Variants in STIM2 observed in about 807,000 individuals in gnomAD.
STIM2 encodes the protein stromal interaction molecule 2.
A neutral mutation model predicts 85.8 loss-of-function variants in STIM2; 31 were observed. That is an observed-to-expected ratio of 0.36 (90% CI 0.27 to 0.49). The LOEUF (loss-of-function observed/expected upper bound fraction) is 0.49. Among genes scored for constraint, STIM2 ranks in the 20% least tolerant of loss-of-function variants. The pLI is 0.98. For synonymous variants in STIM2, 356 were observed against 331.1 expected, an observed-to-expected ratio of 1.08 and a Z score of -0.82; for missense variants, 841 against 927.6, an observed-to-expected ratio of 0.91 and a Z score of 1.21.
chr4:26,986,480 A>G (rs1017217028), intron 3 of STIM2, among the ~76,000 whole-genome samples: 1 of 152,228 alleles, frequency 6.6e-6, no homozygotes, highest in Non-Finnish European at 1.5e-5. Context: ...ATACAGGCAT[A>G]TGGCTAAGTG....
chr4:26,960,654 T>G (rs1048815151), intron 3 of STIM2, among the ~76,000 whole-genome samples: 1 of 152,228 alleles, frequency 6.6e-6, no homozygotes, highest in South Asian at 2.1e-4. Flanking sequence ...TCTTAAAAAC[T>G]TAACGTTTTT....
At chr4:27,022,414 T>TGGAA in intron 11 of STIM2, 105 bp from the exon 12 acceptor site, 1 of 935,906 alleles carries the variant, frequency 1.1e-6, no homozygotes, top group Non-Finnish European at 1.6e-6. Context: ...ATTTCCCTCT[T>TGGAA]TTAAATTTCA....
chr4:26,909,285 T>C (rs1224484654), intron 1 of STIM2, among the ~76,000 whole-genome samples: 1 of 152,244 alleles, frequency 6.6e-6, no homozygotes, highest in African/African-American at 2.4e-5. Context: ...TTAGGTGTTT[T>C]ATACATTGAT....
chr4:26,923,624 A>G (rs2109068884), intron 2 of STIM2, among the ~76,000 whole-genome samples: 1 of 123,706 alleles, frequency 8.1e-6, no homozygotes, highest in South Asian at 3.3e-4. Flanking sequence ...TCAACTAATG[A>G]GCAAAATCAC....
chr4:26,917,205 G>T (rs1724616203), intron 1 of STIM2, among the ~76,000 whole-genome samples: 1 of 152,098 alleles, frequency 6.6e-6, no homozygotes, highest in African/African-American at 2.4e-5. Context: ...AGAAAATGAA[G>T]ATAAAATCGA....
intron 7 of STIM2, among the ~76,000 whole-genome samples, chr4:27,003,764 C>T (rs571175906): frequency 3.9e-5 from 6 of 152,086 alleles, no homozygotes; most frequent in South Asian, 4.2e-4. Flanking sequence ...TGAGTTGAGG[C>T]GAGCCTGCAG....
In STIM2 at chr4:27,024,215, G is replaced by A. The variant is rs779967219; in HGVS notation, c.*1219G>A. The stretch of plus-strand genomic sequence containing the variant: ...GCGTTGTATTAATTTATAAAGTATG[G>A]TGTTCATTAAATTGGTGGGTTGTAT... On this transcript the variant is annotated 3_prime_UTR_variant, in exon 12 of 12. Transcript: ENST00000467087. The A allele has an allele frequency of 2.0e-5, 3 of 152,058 alleles. No individual in the cohort carries two copies. Among genetic ancestry groups the A allele is most frequent in the Non-Finnish European group, 2.9e-5 (2 of 68,008 alleles). 9.4% of individuals were successfully genotyped at this position (152,058 alleles called of 1,614,324 possible). A position where few individuals can be genotyped will look rare whatever the true frequency, so the allele number is the denominator to read the frequency against.
At chr4:27,011,652 G>A (rs1728560740) in intron 10 of STIM2, among the ~76,000 whole-genome samples, 1 of 152,150 alleles carries the variant, frequency 6.6e-6, no homozygotes, top group Non-Finnish European at 1.5e-5. Context: ...CAACTCGAAT[G>A]CGTATGAAAT....
intron 1 of STIM2, among the ~76,000 whole-genome samples, chr4:26,873,040 A>G (rs548512980): frequency 2.6e-5 from 4 of 152,324 alleles, no homozygotes; most frequent in East Asian, 1.9e-4. Context: ...AGATCTGGCT[A>G]TAGAAAAGGG....
intron 3 of STIM2, among the ~76,000 whole-genome samples, chr4:26,978,770 G>A (rs1411298271): frequency 1.3e-5 from 2 of 152,160 alleles, no homozygotes; most frequent in Admixed American, 6.5e-5. Flanking sequence ...GAGAGAAGGA[G>A]TAACCTAGCA....
At chr4:26,894,081 G>T (rs1355100000) in intron 1 of STIM2, among the ~76,000 whole-genome samples, 2 of 152,166 alleles carry the variant, frequency 1.3e-5, no homozygotes, top group South Asian at 2.1e-4. Context: ...TAAAAATGGG[G>T]TTTCACCATC....
intron 2 of STIM2, among the ~76,000 whole-genome samples, chr4:26,950,558 T>TTTTATGCCCTTTAGCCTTCTGCTATA (rs1316086159): frequency 3.3e-5 from 5 of 152,292 alleles, no homozygotes; most frequent in African/African-American, 1.2e-4. Flanking sequence ...GTGGGTGCTC[T>TTTTATGCCCTTTAGCCTTCTGCTATA]TTTATGCCCT....
chr4:26,933,517 A>G (rs1030409225), intron 2 of STIM2, among the ~76,000 whole-genome samples: 11 of 152,174 alleles, frequency 7.2e-5, no homozygotes, highest in African/African-American at 2.4e-4. Flanking sequence ...ATGACTTTCT[A>G]TAGGTCAAAA....
intron 1 of STIM2, among the ~76,000 whole-genome samples, chr4:26,863,877 G>A (rs974684470): frequency 5.9e-5 from 9 of 152,104 alleles, no homozygotes; most frequent in African/African-American, 2.2e-4. Context: ...TCACTTTTCT[G>A]TTTTCTTCTC....
At chr4:26,917,283 C>G (rs1724618775) in intron 1 of STIM2, among the ~76,000 whole-genome samples, 1 of 152,202 alleles carries the variant, frequency 6.6e-6, no homozygotes. Flanking sequence ...CCACTACTAA[C>G]ATGCCTATAC....
Position 27,017,911 on chromosome 4 carries a change from G to C in STIM2, c.1690G>C (p.Val564Leu). The C allele has an allele frequency of 6.2e-7, 1 of 1,614,130 alleles. No homozygotes were observed. Residue 564 changes from valine to leucine, a missense_variant, in exon 11 of 12, where the codon GTG becomes CTG. Val to Leu is a conservative substitution (Grantham distance 32). Around this residue, in one of 3 missense-constraint regions of STIM2, gnomAD observed 293 missense variants for 284.5 expected, o/e 1.03. Coordinates refer to ENST00000467087, the MANE Select transcript of STIM2 (RefSeq NM_020860.4). The stretch of plus-strand genomic sequence containing the variant: ...TTCCCCTGATCCAGATATCCTCTCA[G>C]TGTCAAGTTGCCCTGCGCTTTATCG...
chr4:26,860,868 G>A lies in STIM2; in HGVS notation c.-351G>A, dbSNP rs1722136513. On this transcript the variant is annotated 5_prime_UTR_variant, in exon 1 of 12. Transcript: ENST00000467087. Reference sequence around the variant, plus strand: ...AGCAGCGGATCCCGGTCTCGCCGCAGCAGCAGCGCGGGTGTCGTGCACCGC... The same window carrying A: ...AGCAGCGGATCCCGGTCTCGCCGCAACAGCAGCGCGGGTGTCGTGCACCGC... 1 of 878,192 alleles carries A rather than the reference G, an allele frequency of 1.1e-6. No homozygotes were observed. Among genetic ancestry groups the A allele is most frequent in the Non-Finnish European group, 1.4e-6 (1 of 718,252 alleles). 54.4% of individuals were successfully genotyped at this position (878,192 alleles called of 1,614,324 possible).
chr4:26,976,694 C>T (rs529246364), intron 3 of STIM2, among the ~76,000 whole-genome samples: 2 of 152,094 alleles, frequency 1.3e-5, no homozygotes, highest in South Asian at 2.1e-4. Flanking sequence ...ATTCCAGCTA[C>T]TCGAGAGGCT....
chr4:26,869,014 G>T (rs1047256796), intron 1 of STIM2, among the ~76,000 whole-genome samples: 1 of 152,094 alleles, frequency 6.6e-6, no homozygotes, highest in Admixed American at 6.5e-5. Context: ...TTTGTTTGGG[G>T]TCGTACGCTG....
Sources: allele counts gnomAD v4.1 joint callset (sites outside exome capture counted in the v4.1 genomes callset), GRCh38; gene constraint gnomAD v4.1.1; regional missense constraint gnomAD v4.1.1; transcripts MANE v1.5; gene names NCBI Gene and HGNC (gene_info 2026-07-23, HGNC 2026-07-21).